Variants in WDPCP observed in about 807,000 individuals in gnomAD.
WDPCP encodes the protein WD repeat-containing and planar cell polarity effector protein fritz homolog.
Under a neutral mutation model 93.1 loss-of-function variants are expected in WDPCP, and 71 were observed. The ratio of observed to expected loss-of-function variants is 0.76; its 90% CI spans 0.63 to 0.93. The LOEUF is 0.93. Ranked by LOEUF, WDPCP falls within the 40% of genes least tolerant of loss-of-function variation. WDPCP has a pLI of 0.00. For synonymous variants in WDPCP, 315 were observed against 315.0 expected, an observed-to-expected ratio of 1.00 and a Z score of 0.00; for missense variants, 844 against 887.4, an observed-to-expected ratio of 0.95 and a Z score of 0.62.
intron 10 of WDPCP, among the ~76,000 whole-genome samples, chr2:63,382,801 A>G (rs1692418843): frequency 6.6e-6 from 1 of 152,194 alleles, no homozygotes; most frequent in African/African-American, 2.4e-5. Context: ...AACAGGACTC[A>G]ACTTGATAGG....
chr2:63,549,426 T>C (rs1029455641), intron 1 of WDPCP, among the ~76,000 whole-genome samples: 2 of 152,008 alleles, frequency 1.3e-5, no homozygotes, highest in Admixed American at 1.3e-4. Context: ...TATACTGTAA[T>C]GGAAACTAGA....
chr2:63,122,338 A>G (rs1442254898), intron 17 of WDPCP, among the ~76,000 whole-genome samples: 1 of 152,204 alleles, frequency 6.6e-6, no homozygotes, highest in East Asian at 1.9e-4. Context: ...GGGTTCCTCC[A>G]ATGAAAAATT....
chr2:63,777,353 A>G (rs555611124), intron 2 of WDPCP, among the ~76,000 whole-genome samples: 3 of 152,352 alleles, frequency 2.0e-5, no homozygotes, highest in South Asian at 4.1e-4. Flanking sequence ...AACTCTCTGC[A>G]GCTGATAGGA....
chr2:63,773,029 T>A (rs545752880), intron 2 of WDPCP, among the ~76,000 whole-genome samples: 2 of 152,142 alleles, frequency 1.3e-5, no homozygotes, highest in East Asian at 3.9e-4. Flanking sequence ...TGATCATATA[T>A]GTACAAAATC....
At chr2:63,812,969 C>G (rs1216973032) in intron 2 of WDPCP, among the ~76,000 whole-genome samples, 1 of 151,722 alleles carries the variant, frequency 6.6e-6, no homozygotes, top group Non-Finnish European at 1.5e-5. Context: ...CCTCCCACAT[C>G]AGCCTCCTGA....
chr2:63,570,722 A>G (rs1707425480), intron 1 of WDPCP, among the ~76,000 whole-genome samples: 1 of 152,192 alleles, frequency 6.6e-6, no homozygotes, highest in Admixed American at 6.5e-5. Context: ...TTTGACAAAT[A>G]CTTTAATTTA....
At chr2:63,602,347 G>GTTTTTTTTTT (rs144884000) in intron 3 of WDPCP, among the ~76,000 whole-genome samples, 3 of 104,004 alleles carry the variant, frequency 2.9e-5, no homozygotes, top group Non-Finnish European at 3.7e-5. Context: ...GTTGGTTGGG[G>GTTTTTTTTTT]TTTTTTTTTT....
intron 14 of WDPCP, among the ~76,000 whole-genome samples, chr2:63,233,924 A>T (rs902445029): frequency 6.6e-6 from 1 of 152,112 alleles, no homozygotes; most frequent in African/African-American, 2.4e-5. Context: ...TGCCCAGCCA[A>T]CCTACCCAGT....
At chr2:63,351,447 T>A (rs1378619410) in intron 12 of WDPCP, among the ~76,000 whole-genome samples, 1 of 151,982 alleles carries the variant, frequency 6.6e-6, no homozygotes, top group African/African-American at 2.4e-5. Flanking sequence ...CATCTAGTAG[T>A]CCACAGTGTC....
intron 1 of WDPCP, among the ~76,000 whole-genome samples, chr2:63,551,119 T>C (rs1705603099): frequency 6.6e-6 from 1 of 152,198 alleles, no homozygotes; most frequent in Non-Finnish European, 1.5e-5. Context: ...ATATCAGCAT[T>C]TATTCCAAGA....
chr2:63,838,098 GAA>G, the WDPCP span, among the ~76,000 whole-genome samples: 1 of 141,542 alleles, frequency 7.1e-6, no homozygotes, highest in Admixed American at 7.0e-5. Context: ...CTATCTCAAA[GAA>G]AAAAAAAAAG....
At chr2:63,705,247 C>G (rs1575752560) in intron 2 of WDPCP, among the ~76,000 whole-genome samples, 1 of 152,194 alleles carries the variant, frequency 6.6e-6, no homozygotes, top group African/African-American at 2.4e-5. Flanking sequence ...TTCAAAAAAG[C>G]AGCTCCTGGA....
chr2:63,263,529 C>T (rs961574919), intron 13 of WDPCP, among the ~76,000 whole-genome samples: 4 of 152,108 alleles, frequency 2.6e-5, no homozygotes, highest in African/African-American at 7.3e-5. Flanking sequence ...GATCCCAGCA[C>T]CATGCTCTCA....
Position 63,439,739 on chromosome 2 carries a change from G to T in WDPCP, c.499+18C>A. The stretch of plus-strand genomic sequence containing the variant: ...CACTGTTAATGTAGGCAATTGATTT[G>T]CACATGGGGGTAATTACCATCACTG... On this transcript the variant is annotated intron_variant, in intron 7 of 17. Coordinates refer to ENST00000272321, the MANE Select transcript of WDPCP (RefSeq NM_015910.7). The T allele has an allele frequency of 3.1e-6, 5 of 1,603,432 alleles. No individual in the cohort carries two copies. The highest frequency in any genetic ancestry group is 4.3e-6 in the Non-Finnish European group (5 of 1,170,614).
chr2:63,776,446 G>C (rs1043137760), intron 2 of WDPCP, among the ~76,000 whole-genome samples: 1 of 152,008 alleles, frequency 6.6e-6, no homozygotes, highest in Non-Finnish European at 1.5e-5. Context: ...TTTGAGCCCA[G>C]GAGTTTGGGA....
chr2:63,509,291 G>T (rs559727735), intron 1 of WDPCP, among the ~76,000 whole-genome samples: 1 of 152,008 alleles, frequency 6.6e-6, no homozygotes, highest in Admixed American at 6.6e-5. Flanking sequence ...ACTCAAAACC[G>T]CACAACTACA....
At chr2:63,635,823 G>A (rs897694019) in intron 3 of WDPCP, among the ~76,000 whole-genome samples, 6 of 152,006 alleles carry the variant, frequency 3.9e-5, no homozygotes, top group Non-Finnish European at 8.8e-5. Context: ...CTCTCTTGCC[G>A]CTTCTATTTA....
intron 2 of WDPCP, among the ~76,000 whole-genome samples, chr2:63,790,338 A>G (rs1401323434): frequency 6.6e-6 from 1 of 152,216 alleles, no homozygotes; most frequent in Non-Finnish European, 1.5e-5. Flanking sequence ...GGTGCCCCAA[A>G]TGGGAGAAAA....
intron 17 of WDPCP, among the ~76,000 whole-genome samples, chr2:63,146,410 T>TG (rs1199471852): frequency 1.3e-5 from 2 of 150,648 alleles, no homozygotes; most frequent in African/African-American, 4.9e-5. Context: ...GAGCGTGTTT[T>TG]TTTTTTTTTT....
Sources: allele counts gnomAD v4.1 joint callset (sites outside exome capture counted in the v4.1 genomes callset), GRCh38; gene constraint gnomAD v4.1.1; transcripts MANE v1.5; gene names NCBI Gene and HGNC (gene_info 2026-07-23, HGNC 2026-07-21).